The following CDCP2 variants were observed in gnomAD, a reference collection of about 807,000 sequenced individuals.
CDCP2 encodes CUB domain containing protein 2.
In CDCP2, 31 loss-of-function variants were observed where a neutral mutation model predicts 31.0. That is an observed-to-expected ratio of 1.00 (90% confidence interval 0.75 to 1.35). CDCP2 has a LOEUF of 1.35. Ranked by LOEUF, CDCP2 falls within the 40% of genes most tolerant of loss-of-function variation. The probability of loss-of-function intolerance (pLI) is 0.00; values close to 1 mark genes in which losing one functional copy is unlikely to be tolerated. For missense variants in CDCP2, 443 were observed against 482.6 expected, an observed-to-expected ratio of 0.92 and a Z score of 0.77; for synonymous variants, 206 against 207.9, an observed-to-expected ratio of 0.99 and a Z score of 0.08.
intron 1 of CDCP2, among the ~76,000 whole-genome samples, chr1:54,151,677 A>C (rs541393426): frequency 6.6e-6 from 1 of 152,296 alleles, no homozygotes; most frequent in East Asian, 1.9e-4. Flanking sequence ...GGCAAGGTAC[A>C]ATTCCTCCCT....
At chr1:54,149,094 G>A (rs1659530278) in intron 1 of CDCP2, among the ~76,000 whole-genome samples, 1 of 150,376 alleles carries the variant, frequency 6.6e-6, no homozygotes, top group South Asian at 2.1e-4. Context: ...AGCCAGGAGT[G>A]ATGGAGTGCT....
chr1:54,151,733 G>A (rs2100435945), intron 1 of CDCP2, among the ~76,000 whole-genome samples: 1 of 152,268 alleles, frequency 6.6e-6, no homozygotes, highest in East Asian at 1.9e-4. Flanking sequence ...TATCACCCCG[G>A]CTTCACAGAC....
chr1:54,139,592 C>T lies in CDCP2; in HGVS notation c.1117+161G>A, dbSNP rs570279017. Reference sequence around the variant, plus strand: ...CCGTACCGTCCAGTCTTAGGGGTCCCGAGAGTGGGCAAGGGTGTAGCCAAT... The same window carrying T: ...CCGTACCGTCCAGTCTTAGGGGTCCTGAGAGTGGGCAAGGGTGTAGCCAAT... On this transcript the variant is annotated intron_variant, in intron 4 of 5. Transcript: ENST00000530059. 30 of 1,612,844 alleles carry T rather than the reference C, an allele frequency of 1.9e-5. 1 individual carries two copies. Among genetic ancestry groups the T allele is most frequent in the Middle Eastern group, 1.7e-4 (1 of 6,056 alleles).
In CDCP2 at chr1:54,152,883, C is replaced by A. The variant is rs369549846; in HGVS notation, c.40G>T (p.Ala14Ser). ...GCCTGGAGCCCTGGGCCCAGCAGTG[C>A]CACTGCCAGCAGCAGGCAAGCCCCC... The change falls in exon 1 of 6, where the codon GCA (alanine) becomes TCA (serine). Residue 14 changes from alanine (A) to serine (S), a missense_variant. Coordinates refer to ENST00000530059, the Ensembl canonical transcript of CDCP2. The A allele has an allele frequency of 2.0e-5, 33 of 1,614,230 alleles. No homozygotes were observed. The highest frequency in any genetic ancestry group is 2.8e-5 in the Non-Finnish European group (33 of 1,180,038).
intron 2 of CDCP2, 46 bp from the exon 3 acceptor site, chr1:54,141,479 T>G: frequency 6.6e-7 from 1 of 1,518,652 alleles, no homozygotes; most frequent in Non-Finnish European, 8.9e-7. Context: ...TCCTTGTGGC[T>G]CCCAGTTTCC....
exon 3 of CDCP2, chr1:54,141,399 C>G (rs1570063556): frequency 1.9e-6 from 3 of 1,612,220 alleles, no homozygotes; most frequent in South Asian, 2.2e-5. Context: ...TGGTGAGGAC[C>G]CCTGACAGGC....
At chr1:54,133,700 T>G (rs1273762396) in intron 5 of CDCP2, among the ~76,000 whole-genome samples, 2 of 151,982 alleles carry the variant, frequency 1.3e-5, no homozygotes, top group Admixed American at 6.6e-5. Context: ...ATCGAGACCA[T>G]CCTGACTAAC....
Position 54,144,513 on chromosome 1 carries a change from G to T in CDCP2, c.380C>A (p.Ser127Ter). ...GCCATGGCTGGCCACATGCTTGTCC[G>T]AGTGGAAGATGACAGACATGACATG... The change falls in exon 2 of 6, where the codon TCG becomes TAG. Residue 127 changes from serine (S) to a stop codon, truncating the protein, a stop_gained. Coordinates refer to ENST00000530059, the Ensembl canonical transcript of CDCP2. LOFTEE classifies it high-confidence loss of function. The T allele has an allele frequency of 1.2e-6, 2 of 1,604,536 alleles. No individual in the cohort carries two copies. Among genetic ancestry groups the T allele is most frequent in the South Asian group, 2.2e-5 (2 of 89,386 alleles).
At chr1:54,146,758 C>G (rs1026210232) in intron 1 of CDCP2, among the ~76,000 whole-genome samples, 1 of 151,710 alleles carries the variant, frequency 6.6e-6, no homozygotes, top group African/African-American at 2.4e-5. Context: ...CCATGCCAAA[C>G]AGCAAAGAAG....
chr1:54,144,819 G>A lies in CDCP2; in HGVS notation c.80-6C>T, dbSNP rs369780464. 3.3e-5 allele frequency: 53 copies of A among 1,601,986 alleles called. No homozygotes were observed. In the African/African-American group the frequency reaches 5.5e-4, roughly 17 times the overall value. ...CACACCCCCACATTTGACACCTGGG[G>A]CAAGAGAGAAGTATGGCTGAGACTC... On this transcript the variant is annotated splice_region_variant and splice_polypyrimidine_tract_variant and intron_variant, in intron 1 of 5. Coordinates refer to ENST00000530059, the Ensembl canonical transcript of CDCP2.
intron 1 of CDCP2, among the ~76,000 whole-genome samples, chr1:54,149,103 C>T (rs1659530513): frequency 6.7e-6 from 1 of 150,342 alleles, no homozygotes; most frequent in South Asian, 2.1e-4. Flanking sequence ...TGATGGAGTG[C>T]TCCTGAGGTC....
At chr1:54,144,151 C>A in intron 2 of CDCP2, 1 of 259,160 alleles carries the variant, frequency 3.9e-6, no homozygotes, top group Non-Finnish European at 7.4e-6. Context: ...GCATGGGGAG[C>A]ATTGCCATGA....
In CDCP2 at chr1:54,144,491, A is replaced by C. The variant is rs144105223; in HGVS notation, c.402T>G (p.His134Gln). ...CTTTCTGGTAGCCCGCAGAAAAGCC[A>C]TGGCTGGCCACATGCTTGTCCGAGT... Residue 134 changes from histidine (H) to glutamine (Q), a missense_variant, in exon 2 of 6, where the codon CAT (histidine) becomes CAG (glutamine). By Grantham distance (24) the His-to-Gln change is conservative. Transcript: ENST00000530059. The C allele has an allele frequency of 1.1e-5, 18 of 1,587,018 alleles. No individual in the cohort carries two copies. In the East Asian group the frequency reaches 3.6e-4, roughly 32 times the overall value.
intron 1 of CDCP2, 71 bp downstream of exon 1, chr1:54,152,773 T>C (rs1659605687): frequency 1.4e-6 from 2 of 1,440,110 alleles, no homozygotes; most frequent in South Asian, 1.2e-5. Context: ...TGTAGAAACT[T>C]CTTGAGCCCC....
intron 1 of CDCP2, among the ~76,000 whole-genome samples, chr1:54,149,241 T>C (rs965287059): frequency 1.3e-5 from 2 of 151,580 alleles, no homozygotes; most frequent in African/African-American, 4.9e-5. Flanking sequence ...TAAAAAAATT[T>C]TTTTAAATTA....
At chr1:54,144,864 C>T (rs1172177659) in intron 1 of CDCP2, 51 bp from the exon 2 acceptor site, 3 of 1,462,598 alleles carry the variant, frequency 2.1e-6, no homozygotes, top group Non-Finnish European at 1.9e-6. Context: ...GTCTTGGGTA[C>T]ATGTGGTAAG....
chr1:54,149,458 AT>A (rs1202134816), intron 1 of CDCP2, among the ~76,000 whole-genome samples: 2 of 149,446 alleles, frequency 1.3e-5, no homozygotes, highest in African/African-American at 5.2e-5. Context: ...AAGATGATTG[AT>A]GGGGACGTAG....
intron 3 of CDCP2, 74 bp downstream of exon 3, chr1:54,141,024 C>G: frequency 2.3e-6 from 3 of 1,282,852 alleles, no homozygotes; most frequent in Non-Finnish European, 2.1e-6. Context: ...AGGTGTGACC[C>G]CTGCAAGTGT....
intron 1 of CDCP2, among the ~76,000 whole-genome samples, chr1:54,145,425 C>CA (rs1659451422): frequency 6.6e-6 from 1 of 151,240 alleles, no homozygotes; most frequent in Non-Finnish European, 1.5e-5. Flanking sequence ...GACTCTGTCT[C>CA]AAAAAATAAA....
Sources: gnomAD v4.1 joint callset for allele counts (sites outside exome capture counted in the v4.1 genomes callset) on GRCh38, gnomAD v4.1.1 for gene constraint, MANE v1.5 for transcripts, NCBI Gene and HGNC (gene_info 2026-07-23, HGNC 2026-07-21) for gene names.